ANK1: variants seen among roughly 807,000 people sequenced by gnomAD.
ANK1 encodes ankyrin-1.
In ANK1, 51 loss-of-function variants were observed where a neutral mutation model predicts 210.4. That is an observed-to-expected ratio of 0.24 (90% confidence interval 0.19 to 0.31). ANK1 has a LOEUF of 0.31. ANK1 is among the 10% of genes least tolerant of loss of function. The probability of loss-of-function intolerance (pLI) is 1.00; values close to 1 mark genes in which losing one functional copy is unlikely to be tolerated. For synonymous variants in ANK1, 967 were observed against 1,025.9 expected, an observed-to-expected ratio of 0.94 and a Z score of 1.10; for missense variants, 2,051 against 2,504.4, an observed-to-expected ratio of 0.82 and a Z score of 3.86.
intron 22 of ANK1, chr8:41,700,387 A>G (rs1264976372): frequency 1.9e-6 from 3 of 1,595,288 alleles, no homozygotes; most frequent in Non-Finnish European, 2.6e-6. Context: ...GGTGAAATGC[A>G]CTCTAGTGAG....
intron 17 of ANK1, 38 bp from the exon 18 acceptor site, chr8:41,706,279 A>G (rs1260228253): frequency 8.9e-6 from 14 of 1,579,696 alleles, no homozygotes; most frequent in Non-Finnish European, 8.7e-6. Flanking sequence ...TCTATCAAGT[A>G]AAGAATTCCA....
At chr8:41,745,070 G>C (rs919079237) in intron 2 of ANK1, among the ~76,000 whole-genome samples, 3 of 149,448 alleles carry the variant, frequency 2.0e-5, no homozygotes, top group South Asian at 2.2e-4. Flanking sequence ...AAGGTGGAGG[G>C]GAACAGAGAC....
At chr8:41,761,720 C>T (rs1388629696) in intron 1 of ANK1, among the ~76,000 whole-genome samples, 1 of 152,182 alleles carries the variant, frequency 6.6e-6, no homozygotes, top group African/African-American at 2.4e-5. Context: ...AATCTACAGC[C>T]GAAGACCAAA....
Position 41,693,890 on chromosome 8 carries a change from C to A in ANK1, c.3532+8G>T, listed in dbSNP as rs774484241. 5.0e-6 allele frequency: 8 copies of A among 1,600,670 alleles called. No homozygotes were observed. Among genetic ancestry groups the A allele is most frequent in the Non-Finnish European group, 6.8e-6 (8 of 1,174,374 alleles). On this transcript the variant is annotated splice_region_variant and intron_variant, in intron 29 of 42. Coordinates refer to ENST00000289734, the MANE Select transcript of ANK1 (RefSeq NM_000037.4). ...CGAGAACAGAAGCGAGGCAGGGGCC[C>A]CTCTCACCAATGACGCTGCAAAGCA...
rs540025736 is a variant in ANK1 at position 41,754,284 on chromosome 8, G to T, written c.129+3752C>A. On this transcript the variant is annotated intron_variant, in intron 2 of 42. Coordinates refer to ENST00000289734, the MANE Select transcript of ANK1 (RefSeq NM_000037.4). The stretch of plus-strand genomic sequence containing the variant: ...TTTAAAATTGGCATTCACATAAGGG[G>T]GTTCCTGTATGCACACATGTGTGTG... 2.6e-5 allele frequency among the ~76,000 whole-genome samples: 4 copies of T among 152,184 alleles called. No individual in the cohort carries two copies. In the South Asian group the frequency reaches 8.3e-4, roughly 32 times the overall value.
intron 1 of ANK1, among the ~76,000 whole-genome samples, chr8:41,882,430 G>A (rs1817749171): frequency 6.6e-6 from 1 of 152,098 alleles, no homozygotes; most frequent in Non-Finnish European, 1.5e-5. Flanking sequence ...AGCCCCAGCT[G>A]AGCAGCCACT....
intron 33 of ANK1, 98 bp downstream of exon 33, chr8:41,690,129 G>A: frequency 6.4e-7 from 1 of 1,570,218 alleles, no homozygotes; most frequent in Non-Finnish European, 8.7e-7. Flanking sequence ...CTTCCACCAG[G>A]AAGAAGCCCC....
chr8:41,825,610 G>A (rs528680653), intron 1 of ANK1, among the ~76,000 whole-genome samples: 43 of 152,296 alleles, frequency 2.8e-4, no homozygotes, highest in Middle Eastern at 3.4e-3. Context: ...ATTTTCTCCT[G>A]GTGGAGACTG....
At chr8:41,676,604 CTT>C (rs1271366866) in intron 37 of ANK1, among the ~76,000 whole-genome samples, 1 of 152,124 alleles carries the variant, frequency 6.6e-6, no homozygotes, top group Non-Finnish European at 1.5e-5. Context: ...TCAATTTGTT[CTT>C]TTATGGATTG....
chr8:41,877,693 G>T (rs923053606), intron 1 of ANK1, among the ~76,000 whole-genome samples: 1 of 152,226 alleles, frequency 6.6e-6, no homozygotes, highest in African/African-American at 2.4e-5. Context: ...AAAATGATGC[G>T]ATAGAGCAGG....
intron 1 of ANK1, among the ~76,000 whole-genome samples, chr8:41,854,508 G>C (rs576987105): frequency 6.6e-6 from 1 of 152,200 alleles, no homozygotes; most frequent in Non-Finnish European, 1.5e-5. Flanking sequence ...GCACCTTCAC[G>C]TGCTTTCTGT....
chr8:41,814,610 G>A (rs1464598849), intron 1 of ANK1, among the ~76,000 whole-genome samples: 2 of 152,048 alleles, frequency 1.3e-5, no homozygotes, highest in African/African-American at 4.8e-5. Flanking sequence ...ATAAATGGAT[G>A]ACAAAGACTT....
At chr8:41,826,727 T>C (rs548820825) in intron 1 of ANK1, among the ~76,000 whole-genome samples, 7 of 152,276 alleles carry the variant, frequency 4.6e-5, no homozygotes, top group Non-Finnish European at 8.8e-5. Flanking sequence ...CTTTTTTCTT[T>C]GCACATGAAT....
intron 37 of ANK1, among the ~76,000 whole-genome samples, chr8:41,675,930 T>C (rs1814012173): frequency 6.6e-6 from 1 of 152,256 alleles, no homozygotes; most frequent in East Asian, 1.9e-4. Context: ...GTTTCATCCA[T>C]GCTGATGCAT....
intron 1 of ANK1, among the ~76,000 whole-genome samples, chr8:41,823,300 A>T (rs1435397054): frequency 6.6e-6 from 1 of 152,154 alleles, no homozygotes; most frequent in Non-Finnish European, 1.5e-5. Flanking sequence ...TGAATGCACA[A>T]CATTAGAAAA....
intron 1 of ANK1, among the ~76,000 whole-genome samples, chr8:41,806,681 G>C (rs1360792676): frequency 6.6e-6 from 1 of 152,198 alleles, no homozygotes; most frequent in Non-Finnish European, 1.5e-5. Flanking sequence ...GAAGTTCAAG[G>C]CTACAGTGAG....
chr8:41,694,746 T>G lies in ANK1; in HGVS notation c.3173A>C (p.Asp1058Ala), dbSNP rs1227723387. The G allele has an allele frequency of 6.2e-7, 1 of 1,614,016 alleles. No individual in the cohort carries two copies. Among genetic ancestry groups the G allele is most frequent in the Admixed American group, 1.7e-5 (1 of 60,022 alleles). The change falls in exon 28 of 43, where the codon GAC becomes GCC. Residue 1058 changes from aspartate to alanine, a missense_variant. By Grantham distance (126) the Asp-to-Ala change is moderately radical. Around this residue, in one of 6 missense-constraint regions of ANK1, gnomAD observed 1,413 missense variants for 1,707.4 expected, o/e 0.83. Coordinates refer to ENST00000289734, the MANE Select transcript of ANK1 (RefSeq NM_000037.4). The surrounding 1 kb of genome is among the most constrained non-coding windows in gnomAD (Gnocchi z 5.7). Reference sequence around the variant, plus strand: ...CATGATCACGAAGTACAGCGGGAAGTCGGTGGTGATGATTCGGCACACCCT... The same window carrying G: ...CATGATCACGAAGTACAGCGGGAAGGCGGTGGTGATGATTCGGCACACCCT... ...KKRVCRIITT[D>A]FPLYFVIMSR...
intron 42 of ANK1, among the ~76,000 whole-genome samples, chr8:41,658,602 G>A (rs1006424286): frequency 1.8e-4 from 28 of 152,114 alleles, no homozygotes; most frequent in African/African-American, 3.6e-4. Flanking sequence ...TAAATTAGTC[G>A]CTGTTTGAGG....
At chr8:41,815,190 T>C (rs570268216) in intron 1 of ANK1, among the ~76,000 whole-genome samples, 77 of 152,314 alleles carry the variant, frequency 5.1e-4, no homozygotes, top group Non-Finnish European at 9.1e-4. Flanking sequence ...ACTCTTTTAA[T>C]ATTGAGAGAC....
Sources: gnomAD v4.1 joint callset for allele counts (sites outside exome capture counted in the v4.1 genomes callset) on GRCh38, gnomAD v4.1.1 for gene constraint, gnomAD v4.1.1 regional missense constraint, Gnocchi (gnomAD v3.1) non-coding constraint, MANE v1.5 for transcripts, NCBI Gene and HGNC (gene_info 2026-07-23, HGNC 2026-07-21) for gene names.